The following EFNA5 variants were observed in gnomAD, a reference collection of about 807,000 sequenced individuals.
The protein encoded by EFNA5 is ephrin-A5.
EFNA5 carries 5 observed loss-of-function variants against 22.9 expected under a neutral mutation model. The observed-to-expected ratio is 0.22, with a 90% CI of 0.11 to 0.46. The LOEUF (loss-of-function observed/expected upper bound fraction) is 0.46, where lower values mean the gene tolerates loss of function less well. EFNA5 is among the 20% of genes least tolerant of loss of function. The pLI is 0.99. For synonymous variants in EFNA5, 113 were observed against 112.2 expected, an observed-to-expected ratio of 1.01 and a Z score of -0.04; for missense variants, 237 against 293.3, an observed-to-expected ratio of 0.81 and a Z score of 1.40.
At chr5:107,514,231 G>A (rs1327952837) in intron 1 of EFNA5, among the ~76,000 whole-genome samples, 1 of 152,060 alleles carries the variant, frequency 6.6e-6, no homozygotes, top group African/African-American at 2.4e-5. Flanking sequence ...AGAGAGACGG[G>A]GCTCCTCATC....
At chr5:107,433,980 T>C (rs1028447745) in intron 1 of EFNA5, among the ~76,000 whole-genome samples, 3 of 152,196 alleles carry the variant, frequency 2.0e-5, no homozygotes, top group East Asian at 3.9e-4. Context: ...AGAATTCAGA[T>C]GAAATAAAGA....
chr5:107,598,798 G>C (rs11957859), intron 1 of EFNA5, among the ~76,000 whole-genome samples: 24,819 of 152,074 alleles, frequency 0.16, 5,209 homozygotes, highest in African/African-American at 0.49. Context: ...CTAACATGCC[G>C]AATGATCTAA....
At chr5:107,457,022 C>T (rs1050653679) in intron 1 of EFNA5, among the ~76,000 whole-genome samples, 2 of 152,172 alleles carry the variant, frequency 1.3e-5, no homozygotes, top group Non-Finnish European at 2.9e-5. Flanking sequence ...AAACTCTGTA[C>T]CTCTTTCCTC....
chr5:107,617,233 C>CAGAGAGAGAGAGAGAG (rs1281823984), intron 1 of EFNA5, among the ~76,000 whole-genome samples: 4 of 149,182 alleles, frequency 2.7e-5, no homozygotes, highest in African/African-American at 1.0e-4. Context: ...CACACACACA[C>CAGAGAGAGAGAGAGAG]ACACAGAGAG....
At chr5:107,479,783 T>C (rs549565280) in intron 1 of EFNA5, among the ~76,000 whole-genome samples, 3 of 152,282 alleles carry the variant, frequency 2.0e-5, no homozygotes, top group African/African-American at 7.2e-5. Context: ...CTTCACAACA[T>C]CCTGATGAAA....
chr5:107,406,338 C>G (rs1432883629), intron 2 of EFNA5, among the ~76,000 whole-genome samples: 1 of 151,898 alleles, frequency 6.6e-6, no homozygotes, highest in African/African-American at 2.4e-5. Flanking sequence ...CACATGTCTA[C>G]GTTCCTTTCC....
At chr5:107,545,217 G>A (rs745896316) in intron 1 of EFNA5, among the ~76,000 whole-genome samples, 1 of 152,256 alleles carries the variant, frequency 6.6e-6, no homozygotes, top group African/African-American at 2.4e-5. Context: ...TCAGGGCTTG[G>A]CCGAAGGCCT....
At chr5:107,606,226 C>T (rs141917067) in intron 1 of EFNA5, among the ~76,000 whole-genome samples, 16 of 152,212 alleles carry the variant, frequency 1.1e-4, no homozygotes, top group African/African-American at 3.6e-4. Context: ...CTTTCCCAAA[C>T]TGTGGTATTA....
chr5:107,420,622 A>G (rs1748631499), intron 2 of EFNA5, among the ~76,000 whole-genome samples: 1 of 151,998 alleles, frequency 6.6e-6, no homozygotes, highest in Non-Finnish European at 1.5e-5. Context: ...TATTCCTAGC[A>G]TATTATTTTT....
intron 1 of EFNA5, among the ~76,000 whole-genome samples, chr5:107,455,389 T>C (rs1460876894): frequency 2.6e-5 from 4 of 152,168 alleles, no homozygotes; most frequent in Non-Finnish European, 5.9e-5. Flanking sequence ...AAGACCCATG[T>C]CAACAGTCTA....
At chr5:107,381,450 AAC>A in intron 4 of EFNA5, 74 bp from the exon 5 acceptor site, 1 of 1,514,328 alleles carries the variant, frequency 6.6e-7, no homozygotes, top group Non-Finnish European at 8.9e-7. Context: ...GCCTGCTGTT[AAC>A]AGACCTCGCC....
intron 1 of EFNA5, among the ~76,000 whole-genome samples, chr5:107,626,064 A>T (rs765276958): frequency 1.3e-5 from 2 of 152,196 alleles, no homozygotes; most frequent in Non-Finnish European, 2.9e-5. Flanking sequence ...CACTCACTGA[A>T]GTAAGATCTT....
At chr5:107,546,018 G>C (rs898974014) in intron 1 of EFNA5, among the ~76,000 whole-genome samples, 35 of 152,186 alleles carry the variant, frequency 2.3e-4, no homozygotes, top group Middle Eastern at 3.4e-3. Context: ...GCAATCAGAA[G>C]AGGAAGAGTG....
intron 1 of EFNA5, among the ~76,000 whole-genome samples, chr5:107,619,782 G>A (rs192961021): frequency 1.9e-4 from 29 of 152,180 alleles, no homozygotes; most frequent in Non-Finnish European, 3.1e-4. Flanking sequence ...ACTTTCTTCT[G>A]TCTTTCAGTA....
chr5:107,491,211 A>G (rs1461274989), intron 1 of EFNA5, among the ~76,000 whole-genome samples: 1 of 152,136 alleles, frequency 6.6e-6, no homozygotes, highest in Non-Finnish European at 1.5e-5. Context: ...ACAAGTCCCC[A>G]CCTCCAGGCA....
At chr5:107,471,975 C>T (rs1338865107) in intron 1 of EFNA5, among the ~76,000 whole-genome samples, 1 of 152,136 alleles carries the variant, frequency 6.6e-6, no homozygotes, top group Non-Finnish European at 1.5e-5. Context: ...TTAGAAATAA[C>T]TGCTATATTG....
intron 1 of EFNA5, among the ~76,000 whole-genome samples, chr5:107,437,152 TAAAC>T (rs200237689): frequency 0.016 from 2,456 of 152,330 alleles, 53 homozygotes; most frequent in African/African-American, 0.057. Flanking sequence ...GTTAATTTAT[TAAAC>T]AAACAAGAAA....
intron 1 of EFNA5, among the ~76,000 whole-genome samples, chr5:107,648,867 A>G (rs1246448287): frequency 6.6e-6 from 1 of 152,216 alleles, no homozygotes; most frequent in Non-Finnish European, 1.5e-5. Context: ...TGTCCTCTTC[A>G]AAAGTTTACA....
chr5:107,639,608 T>C (rs536928145), intron 1 of EFNA5, among the ~76,000 whole-genome samples: 1 of 152,334 alleles, frequency 6.6e-6, no homozygotes, highest in East Asian at 1.9e-4. Context: ...GTGCAGACTA[T>C]AAATGTATTA....
Sources: gnomAD v4.1 joint callset for allele counts (sites outside exome capture counted in the v4.1 genomes callset) on GRCh38, gnomAD v4.1.1 for gene constraint, MANE v1.5 for transcripts, NCBI Gene and HGNC (gene_info 2026-07-23, HGNC 2026-07-21) for gene names.